CFAP44: variants seen among roughly 807,000 people sequenced by gnomAD.
CFAP44 encodes cilia- and flagella-associated protein 44.
In CFAP44, 134 loss-of-function variants were observed where a neutral mutation model predicts 216.2. The ratio of observed to expected loss-of-function variants is 0.62; its 90% CI spans 0.54 to 0.72. The LOEUF (loss-of-function observed/expected upper bound fraction) is 0.72. CFAP44 is among the 30% of genes least tolerant of loss of function. The pLI is 0.00. For synonymous variants in CFAP44, 700 were observed against 727.6 expected (o/e 0.96, Z 0.61); for missense variants, 2,035 against 2,182.1 (o/e 0.93, Z 1.34).
intron 22 of CFAP44, among the ~76,000 whole-genome samples, chr3:113,356,988 T>C (rs551065429): frequency 6.6e-6 from 1 of 152,288 alleles, no homozygotes; most frequent in South Asian, 2.1e-4. Flanking sequence ...ATAACTCATG[T>C]ATATAAATAA....
At chr3:113,325,155 A>G (rs1382132253) in intron 28 of CFAP44, among the ~76,000 whole-genome samples, 2 of 151,752 alleles carry the variant, frequency 1.3e-5, no homozygotes, top group African/African-American at 4.8e-5. Context: ...TAGAAAAATT[A>G]GCCAGGCGTG....
chr3:113,312,073 G>GTTTT (rs199653080), intron 28 of CFAP44, among the ~76,000 whole-genome samples: 15 of 126,794 alleles, frequency 1.2e-4, no homozygotes, highest in African/African-American at 3.3e-4. Context: ...GTGTGTGTGT[G>GTTTT]TTTTTTTTTT....
intron 4 of CFAP44, among the ~76,000 whole-genome samples, chr3:113,425,110 G>GA (rs201307501): frequency 0.011 from 1,653 of 148,620 alleles, 25 homozygotes; most frequent in African/African-American, 0.027. Flanking sequence ...CAAAGATAAG[G>GA]AAAAAAAAAG....
At chr3:113,407,904 C>T (rs536422412) in intron 7 of CFAP44, among the ~76,000 whole-genome samples, 1 of 152,172 alleles carries the variant, frequency 6.6e-6, no homozygotes, top group South Asian at 2.1e-4. Context: ...CTTCATAGCA[C>T]TTCACACATG....
At chr3:113,325,168 G>T (rs1250916984) in intron 28 of CFAP44, among the ~76,000 whole-genome samples, 1 of 151,658 alleles carries the variant, frequency 6.6e-6, no homozygotes, top group African/African-American at 2.4e-5. Flanking sequence ...CAGGCGTGGT[G>T]GTGGGAGCCT....
chr3:113,438,747 G>T (rs114100688), intron 1 of CFAP44, among the ~76,000 whole-genome samples: 1 of 151,878 alleles, frequency 6.6e-6, no homozygotes, highest in African/African-American at 2.4e-5. Context: ...TTTTTCTTCC[G>T]AGAACACACA....
chr3:113,327,537 T>C, intron 27 of CFAP44, 79 bp downstream of exon 27: 4 of 1,297,846 alleles, frequency 3.1e-6, no homozygotes, highest in South Asian at 2.9e-5. Context: ...AGTGGGAGAT[T>C]TGAGTTAAGA....
At position 113,366,128 on chromosome 3, in the gene CFAP44, C is replaced by T. The variant is rs1299945294; in HGVS notation, c.2626G>A (p.Ala876Thr). ...NSFDDRFLVT[A>T]GADGNIFVFN... ...ACAAAGATATTGCCATCTGCTCCAGCAGTCACCAAGAAACGATCATCAAAG... is the reference window on the plus strand; with the variant it reads ...ACAAAGATATTGCCATCTGCTCCAGTAGTCACCAAGAAACGATCATCAAAG... The change falls in exon 19 of 35, where the codon GCT becomes ACT. Residue 876 changes from alanine to threonine, a missense_variant. Physicochemically the swap from Ala to Thr is moderately conservative, Grantham distance 58 (BLOSUM62 0). Around this residue, in one of 3 missense-constraint regions of CFAP44, gnomAD observed 1,883 missense variants for 2,023.7 expected, o/e 0.93. Coordinates refer to ENST00000393845, the MANE Select transcript of CFAP44 (RefSeq NM_001164496.2). The T allele has an allele frequency of 1.2e-5, 19 of 1,613,884 alleles. No individual in the cohort carries two copies. The highest frequency in any genetic ancestry group is 1.6e-5 in the Non-Finnish European group (19 of 1,179,986).
At position 113,339,207 on chromosome 3, in the gene CFAP44, G is replaced by T. The variant is rs186569037; in HGVS notation, c.3437+2537C>A. Among the ~76,000 whole-genome samples, 290 of 152,222 alleles carry T rather than the reference G, an allele frequency of 1.9e-3. 2 individuals carry two copies. The highest frequency in any genetic ancestry group is 5.7e-3 in the African/African-American group (237 of 41,518). On this transcript the variant is annotated intron_variant, in intron 24 of 34. Coordinates refer to ENST00000393845, the MANE Select transcript of CFAP44 (RefSeq NM_001164496.2). ...AATTTGGCCAAACCCTTGTGCAGAG[G>T]GCTATGAGAGGTTTTTCCTCCAGAT...
chr3:113,303,108 C>G (rs1446224704), intron 32 of CFAP44, among the ~76,000 whole-genome samples: 1 of 152,070 alleles, frequency 6.6e-6, no homozygotes, highest in Non-Finnish European at 1.5e-5. Flanking sequence ...CAATATGGAG[C>G]CTGGGCAATT....
At chr3:113,350,905 G>T (rs1474899200) in intron 22 of CFAP44, among the ~76,000 whole-genome samples, 1 of 152,240 alleles carries the variant, frequency 6.6e-6, no homozygotes, top group African/African-American at 2.4e-5. Flanking sequence ...ACTAACAGGG[G>T]ATCTAGGTCT....
chr3:113,357,279 G>A (rs1950500456), intron 22 of CFAP44, among the ~76,000 whole-genome samples: 1 of 152,188 alleles, frequency 6.6e-6, no homozygotes, highest in Non-Finnish European at 1.5e-5. Flanking sequence ...CAGCACCTCA[G>A]AGTGTGACCT....
chr3:113,323,975 T>G (rs1576547989), intron 28 of CFAP44, among the ~76,000 whole-genome samples: 1 of 143,338 alleles, frequency 7.0e-6, no homozygotes, highest in Non-Finnish European at 1.5e-5. Flanking sequence ...ACCTAGGAGG[T>G]GGAGGTTGCA....
rs929546923 is a variant in CFAP44 at position 113,380,970 on chromosome 3, C to T, written c.1981G>A (p.Val661Ile). 3.1e-6 allele frequency: 5 copies of T among 1,598,802 alleles called. No individual in the cohort carries two copies. The highest frequency in any genetic ancestry group is 3.4e-5 in the Admixed American group (2 of 58,522). Residue 661 changes from valine (V) to isoleucine (I), a missense_variant, in exon 16 of 35, where the codon GTA becomes ATA. Around this residue, in one of 3 missense-constraint regions of CFAP44, gnomAD observed 1,883 missense variants for 2,023.7 expected, o/e 0.93. Coordinates refer to ENST00000393845, the MANE Select transcript of CFAP44 (RefSeq NM_001164496.2). Reference protein sequence around the residue: ...TIKQEEDDHDVVSYEIKDMCI... With the variant: ...TIKQEEDDHDIVSYEIKDMCI... ...ATGTCTTTGATTTCATAGGAGACTA[C>T]ATCATGATCATCCTCTTCTTGCTTT...
intron 17 of CFAP44, among the ~76,000 whole-genome samples, chr3:113,376,853 T>C (rs1933360191): frequency 6.6e-6 from 1 of 152,154 alleles, no homozygotes; most frequent in Non-Finnish European, 1.5e-5. Context: ...ATGCTCATGA[T>C]AATAACTGAA....
Position 113,289,733 on chromosome 3 carries a change from G to C in CFAP44, c.*1824C>G, listed in dbSNP as rs1006738506. ...GTGACGCTATGTCACTTCTGAGCTTGGGCTGTAAAAGACTGTGGCTCTTGT... is the reference window on the plus strand; with the variant it reads ...GTGACGCTATGTCACTTCTGAGCTTCGGCTGTAAAAGACTGTGGCTCTTGT... On this transcript the variant is annotated 3_prime_UTR_variant, in exon 35 of 35. Coordinates refer to ENST00000393845, the MANE Select transcript of CFAP44 (RefSeq NM_001164496.2). 6.6e-6 allele frequency: 1 copy of C among 152,238 alleles called. No homozygotes were observed. The allele number at this position is 152,238 out of a possible 1,614,324, so 9.4% of individuals were successfully genotyped here. A position where few individuals can be genotyped will look rare whatever the true frequency, so the allele number is the denominator to read the frequency against.
chr3:113,413,245 G>C (rs1934541534), intron 6 of CFAP44, among the ~76,000 whole-genome samples: 1 of 151,996 alleles, frequency 6.6e-6, no homozygotes, highest in Non-Finnish European at 1.5e-5. Context: ...ACATGTTTAA[G>C]TTCCTTGTAA....
At chr3:113,367,055 G>T (rs1932969156) in intron 18 of CFAP44, among the ~76,000 whole-genome samples, 1 of 151,724 alleles carries the variant, frequency 6.6e-6, no homozygotes, top group Non-Finnish European at 1.5e-5. Flanking sequence ...CAAAGCGGTT[G>T]GGAAGCTCTA....
chr3:113,389,706 A>G (rs533156845), intron 15 of CFAP44, among the ~76,000 whole-genome samples: 58 of 152,304 alleles, frequency 3.8e-4, no homozygotes, highest in African/African-American at 1.4e-3. Context: ...TCAAAGGATC[A>G]GTAGAGGCTA....
Sources: allele counts gnomAD v4.1 joint callset (sites outside exome capture counted in the v4.1 genomes callset), GRCh38; gene constraint gnomAD v4.1.1; regional missense constraint gnomAD v4.1.1; transcripts MANE v1.5; gene names NCBI Gene and HGNC (gene_info 2026-07-23, HGNC 2026-07-21).